The following NUP88 variants were observed in gnomAD, a reference collection of about 807,000 sequenced individuals.
NUP88 encodes the protein nuclear pore complex protein Nup88.
In NUP88, 57 loss-of-function variants were observed where a neutral mutation model predicts 93.9. The observed-to-expected ratio is 0.61, with a 90% confidence interval of 0.49 to 0.76. The LOEUF (loss-of-function observed/expected upper bound fraction) is 0.76. NUP88 is among the 30% of genes least tolerant of loss of function. The pLI is 0.00. For synonymous variants in NUP88, 346 were observed against 336.8 expected, an observed-to-expected ratio of 1.03 and a Z score of -0.30; for missense variants, 911 against 901.0, an observed-to-expected ratio of 1.01 and a Z score of -0.14.
At position 5,416,623 on chromosome 17, in the gene NUP88, T is replaced by C; in HGVS notation, c.357A>G (p.Thr119=). 2 of 1,612,700 alleles carry C rather than the reference T, an allele frequency of 1.2e-6. No individual in the cohort carries two copies. Among genetic ancestry groups the C allele is most frequent in the Non-Finnish European group, 8.5e-7 (1 of 1,179,550 alleles). The change falls in exon 2 of 17, where the codon ACA becomes ACG. Residue 119 remains threonine (T), a synonymous_variant. Coordinates refer to ENST00000573584, the MANE Select transcript of NUP88 (RefSeq NM_002532.6). Reference sequence around the variant, plus strand: ...TTCCTATAAGTGCTACATGATGTTGTGTTGGGCTTAACAAGACTTGATAGA... The same window carrying C: ...TTCCTATAAGTGCTACATGATGTTGCGTTGGGCTTAACAAGACTTGATAGA... ...FEIYQVLLSP[T]QHHVALIGIK...
At chr17:5,386,378 AAT>A (rs1313729806) in intron 16 of NUP88, 109 bp from the exon 17 acceptor site, 4 of 865,548 alleles carry the variant, frequency 4.6e-6, no homozygotes, top group Non-Finnish European at 5.5e-6. Flanking sequence ...GCTTTGCTAA[AAT>A]TAACAGCTGA....
At chr17:5,389,505 T>C (rs988430223) in intron 10 of NUP88, among the ~76,000 whole-genome samples, 1 of 152,142 alleles carries the variant, frequency 6.6e-6, no homozygotes, top group African/African-American at 2.4e-5. Context: ...TGGTTGGGCG[T>C]GGTGGCTCAC....
chr17:5,397,885 ATTCT>A (rs1256911339), intron 8 of NUP88, among the ~76,000 whole-genome samples: 2 of 151,808 alleles, frequency 1.3e-5, no homozygotes, highest in East Asian at 3.9e-4. Context: ...ATTGGTATTA[ATTCT>A]TTTTTTTAAT....
intron 2 of NUP88, among the ~76,000 whole-genome samples, chr17:5,416,167 G>GTATATATATATATATATA (rs377002927): frequency 1.1e-3 from 51 of 47,750 alleles, no homozygotes; most frequent in Middle Eastern, 0.014. Flanking sequence ...AAAAAAAAAA[G>GTATATATATATATATATA]TATATATATA....
chr17:5,386,497 C>A (rs1911988046), intron 16 of NUP88, among the ~76,000 whole-genome samples: 1 of 152,038 alleles, frequency 6.6e-6, no homozygotes, highest in Non-Finnish European at 1.5e-5. Flanking sequence ...CCTTTGGCCA[C>A]ACAACAAAAT....
At chr17:5,413,860 CTT>C in intron 3 of NUP88, 147 bp downstream of exon 3, 1 of 752,834 alleles carries the variant, frequency 1.3e-6, no homozygotes, top group South Asian at 1.9e-5. Context: ...TTAGGCAATT[CTT>C]ATGATTGAGA....
At chr17:5,387,692 G>C in intron 12 of NUP88, 22 bp from the exon 13 acceptor site, 1 of 1,609,332 alleles carries the variant, frequency 6.2e-7, no homozygotes, top group South Asian at 1.1e-5. Context: ...AAAAGAAATA[G>C]AGTTTATTCA....
In NUP88 at chr17:5,404,195, A is replaced by C. The variant is rs1597325047; in HGVS notation, c.1096T>G (p.Phe366Val). The change falls in exon 7 of 17, where the codon TTT becomes GTT. Residue 366 changes from phenylalanine to valine, a missense_variant. By Grantham distance (50) the Phe-to-Val change is conservative. Transcript: ENST00000573584. The part of the protein sequence containing the change: ...RIDLIPSLYV[F>V]ECVELELALK... ...GCAAGCTCCAACTCAACACATTCAA[A>C]CACATACAGAGAAGGAATGAGGTCA... 1 of 1,613,954 alleles carries C rather than the reference A, an allele frequency of 6.2e-7. No homozygotes were observed. Among genetic ancestry groups the C allele is most frequent in the Non-Finnish European group, 8.5e-7 (1 of 1,179,908 alleles).
rs566037373 is a variant in NUP88 at position 5,405,320 on chromosome 17, T to C, written c.858-77A>G. ...ATCCCATAAAACCATTCTTTGACTT[T>C]GTTTTCCTCCAGCTATCATACCTTC... On this transcript the variant is annotated intron_variant, in intron 5 of 16. Coordinates refer to ENST00000573584, the MANE Select transcript of NUP88 (RefSeq NM_002532.6). 27 of 1,265,848 alleles carry C rather than the reference T, an allele frequency of 2.1e-5. No individual in the cohort carries two copies. In the South Asian group the frequency reaches 3.5e-4, roughly 16 times the overall value. The allele number at this position is 1,265,848 out of a possible 1,614,324, so 78.4% of individuals were successfully genotyped here.
intron 6 of NUP88, 67 bp downstream of exon 6, chr17:5,404,990 A>T (rs766982183): frequency 3.8e-5 from 50 of 1,312,836 alleles, no homozygotes; most frequent in Non-Finnish European, 5.0e-5. Flanking sequence ...TATATTAAGC[A>T]TTCATATTGG....
chr17:5,416,188 TACAC>T (rs149950508), intron 2 of NUP88, among the ~76,000 whole-genome samples: 1 of 126,200 alleles, frequency 7.9e-6, no homozygotes, highest in East Asian at 2.4e-4. Context: ...TATACACACA[TACAC>T]ACACACACAC....
intron 8 of NUP88, among the ~76,000 whole-genome samples, chr17:5,397,549 T>C (rs796635173): frequency 2.1e-4 from 32 of 152,254 alleles, no homozygotes; most frequent in African/African-American, 7.7e-4. Flanking sequence ...AGGAAATGCA[T>C]TCTACCCTAG....
Position 5,410,713 on chromosome 17 carries a change from G to GTACTAGACTTTCCTCTTCGGCT in NUP88, c.648_669dup (p.Leu224SerfsTer10). On this transcript the variant is annotated frameshift_variant, in exon 4 of 17. Coordinates refer to ENST00000573584, the MANE Select transcript of NUP88 (RefSeq NM_002532.6). LOFTEE classifies it high-confidence loss of function. ...CAAATAAAAACTTACCCTTTATTGA[G>GTACTAGACTTTCCTCTTCGGCT]TACTAGACTTTCCTCTTCGGCTTCT... is the stretch of plus-strand genomic sequence containing the variant. 6.3e-7 allele frequency: 1 copy of GTACTAGACTTTCCTCTTCGGCT among 1,598,226 alleles called. No individual in the cohort carries two copies. Among genetic ancestry groups the GTACTAGACTTTCCTCTTCGGCT allele is most frequent in the Non-Finnish European group, 8.6e-7 (1 of 1,166,208 alleles).
intron 6 of NUP88, 132 bp from the exon 7 acceptor site, chr17:5,404,378 C>T (rs943405831): frequency 1.4e-5 from 11 of 778,444 alleles, no homozygotes; most frequent in Admixed American, 2.7e-5. Context: ...TTTGGGAGGC[C>T]GAGGCAGGTG....
At chr17:5,410,012 C>CA (rs1303979709) in intron 4 of NUP88, among the ~76,000 whole-genome samples, 2 of 152,164 alleles carry the variant, frequency 1.3e-5, no homozygotes, top group African/African-American at 4.8e-5. Context: ...AATCAGGTGG[C>CA]ATACCTGTGG....
intron 11 of NUP88, chr17:5,388,362 T>G (rs1304359289): frequency 6.2e-6 from 1 of 161,888 alleles, no homozygotes. Flanking sequence ...CTCAGCTCAC[T>G]GCAACCTCTG....
intron 7 of NUP88, among the ~76,000 whole-genome samples, chr17:5,400,617 T>G (rs1001082211): frequency 6.6e-6 from 1 of 152,214 alleles, no homozygotes; most frequent in African/African-American, 2.4e-5. Context: ...CTCTGTGCAT[T>G]TATTTAGTTC....
At chr17:5,409,298 T>C (rs1482847768) in intron 4 of NUP88, among the ~76,000 whole-genome samples, 3 of 145,626 alleles carry the variant, frequency 2.1e-5, no homozygotes, top group Non-Finnish European at 4.5e-5. Context: ...TGCTTGAACC[T>C]GGGAGGCGGA....
At chr17:5,390,535 G>C (rs1047253097) in intron 10 of NUP88, among the ~76,000 whole-genome samples, 2 of 152,072 alleles carry the variant, frequency 1.3e-5, no homozygotes, top group Non-Finnish European at 2.9e-5. Flanking sequence ...ACAAGGGGTG[G>C]GGGTGTTGTC....
Sources: allele counts gnomAD v4.1 joint callset (sites outside exome capture counted in the v4.1 genomes callset), GRCh38; gene constraint gnomAD v4.1.1; transcripts MANE v1.5; gene names NCBI Gene and HGNC (gene_info 2026-07-23, HGNC 2026-07-21).